USP9Y: variants seen among roughly 807,000 people sequenced by gnomAD.
The protein encoded by USP9Y is ubiquitin carboxyl-terminal hydrolase 9Y.
Under a neutral mutation model 53.1 loss-of-function variants are expected in USP9Y, and 41 were observed. That is an observed-to-expected ratio of 0.77 (90% CI 0.60 to 1.00). The LOEUF (loss-of-function observed/expected upper bound fraction) is 1.00. Among genes scored for constraint, USP9Y ranks in the 50% least tolerant of loss-of-function variants. The pLI is 0.00. For synonymous variants in USP9Y, 220 were observed against 173.7 expected (o/e 1.27, Z -2.09); for missense variants, 567 against 535.8 (o/e 1.06, Z -0.58).
chrY:12,722,213 A>T (rs753218919), intron 5 of USP9Y, 26 bp downstream of exon 5: 1 of 351,471 alleles, frequency 2.8e-6, no homozygotes, highest in Non-Finnish European at 4.2e-6. Flanking sequence ...CATTTTCTAT[A>T]ATACGTGCTC....
intron 15 of USP9Y, 79 bp from the exon 16 acceptor site, chrY:12,770,984 ATTAAC>A: frequency 4.8e-6 from 1 of 209,575 alleles, no homozygotes; most frequent in Non-Finnish European, 8.4e-6. Flanking sequence ...GAGAATGATT[ATTAAC>A]TTAATAATTT....
At chrY:12,854,278 T>C in intron 42 of USP9Y, among the ~76,000 whole-genome samples, 1 of 34,034 alleles carries the variant, frequency 2.9e-5, no homozygotes, top group Non-Finnish European at 7.3e-5. Context: ...GATCAAATAA[T>C]GTAAAAGTGG....
In USP9Y at chrY:12,859,994, G is replaced by A; in HGVS notation, c.*578G>A. ...TACTTTTCATTACCTTTTTATTCTGGTATATAGGCTAACCACTTTAAAGCT... is the reference window on the plus strand; with the variant it reads ...TACTTTTCATTACCTTTTTATTCTGATATATAGGCTAACCACTTTAAAGCT... On this transcript the variant is annotated 3_prime_UTR_variant, in exon 46 of 46. Transcript: ENST00000338981. 8.7e-5 allele frequency: 3 copies of A among 34,313 alleles called. No individual in the cohort carries two copies. The allele number at this position is 34,313 out of a possible 400,897, so 8.6% of individuals were successfully genotyped here. A position where few individuals can be genotyped will look rare whatever the true frequency, so the allele number is the denominator to read the frequency against.
intron 28 of USP9Y, 113 bp downstream of exon 28, chrY:12,810,400 G>T: frequency 4.8e-6 from 1 of 207,500 alleles, no homozygotes. Context: ...ATTAATAAAT[G>T]CAGTATTATA....
chrY:12,845,381 GC>G (rs2053565572), intron 39 of USP9Y, among the ~76,000 whole-genome samples: 1 of 33,018 alleles, frequency 3.0e-5, no homozygotes. Context: ...GAGATGTTAA[GC>G]CTACATCCAG....
intron 22 of USP9Y, among the ~76,000 whole-genome samples, chrY:12,783,381 A>T: frequency 3.0e-5 from 1 of 33,396 alleles, no homozygotes; most frequent in Non-Finnish European, 7.4e-5. Flanking sequence ...ATTATTGTAT[A>T]TCAGGGATAG....
chrY:12,732,599 C>T (rs1007310903), intron 7 of USP9Y, among the ~76,000 whole-genome samples: 8 of 33,092 alleles, frequency 2.4e-4, no homozygotes, highest in African/African-American at 4.7e-4. Flanking sequence ...GCCTCGACCT[C>T]CCAAAGTGCT....
Position 12,778,099 on chromosome Y carries a change from C to T in USP9Y, c.2720C>T (p.Ser907Phe). 2.5e-6 allele frequency: 1 copy of T among 396,759 alleles called. No individual in the cohort carries two copies. The highest frequency in any genetic ancestry group is 3.5e-6 in the Non-Finnish European group (1 of 282,264). ...CAGGTTGATGAGTTGGATATATGGT[C>T]TCATACGAATGACACAATTGGTTCA... ...GRQVDELDIWSHTNDTIGSVR... is the reference protein window; with the variant it reads ...GRQVDELDIWFHTNDTIGSVR... The change falls in exon 20 of 46, where the codon TCT (serine) becomes TTT (phenylalanine). Residue 907 changes from serine (S) to phenylalanine (F), a missense_variant. Ser to Phe is a radical substitution (Grantham distance 155). Coordinates refer to ENST00000338981, the MANE Select transcript of USP9Y (RefSeq NM_004654.4).
chrY:12,808,176 T>A, intron 27 of USP9Y, among the ~76,000 whole-genome samples: 1 of 34,408 alleles, frequency 2.9e-5, no homozygotes. Flanking sequence ...GCCCTCTTTT[T>A]CAGGTTGTCT....
intron 12 of USP9Y, 93 bp from the exon 13 acceptor site, chrY:12,757,099 G>T: frequency 7.1e-6 from 2 of 282,028 alleles, no homozygotes; most frequent in South Asian, 6.8e-5. Context: ...TGTATGTGAT[G>T]AATGTAGTTT....
chrY:12,736,542 G>A lies in USP9Y; in HGVS notation c.1157G>A (p.Arg386Gln). ...PEEEEWLTAE[R>Q]MAEWIQQNNI... ...GAGGAAGAATGGCTGACAGCTGAGCGAATGGCAGTAAGCCTCTTAAATCTT... is the reference window on the plus strand; with the variant it reads ...GAGGAAGAATGGCTGACAGCTGAGCAAATGGCAGTAAGCCTCTTAAATCTT... Residue 386 changes from arginine to glutamine, a missense_variant, in exon 10 of 46, where the codon CGA becomes CAA. Transcript: ENST00000338981. 7 of 395,078 alleles carry A rather than the reference G, an allele frequency of 1.8e-5. No homozygotes were observed. The highest frequency in any genetic ancestry group is 6.4e-5 in the African/African-American group (1 of 15,624).
chrY:12,747,964 CCAATATAGTGAA>C (rs2053461645), intron 12 of USP9Y, among the ~76,000 whole-genome samples: 3 of 32,629 alleles, frequency 9.2e-5, no homozygotes, highest in African/African-American at 2.4e-4. Flanking sequence ...ACCAGCGTGG[CCAATATAGTGAA>C]ACCTCATTTC....
intron 15 of USP9Y, among the ~76,000 whole-genome samples, chrY:12,769,252 T>G: frequency 8.8e-5 from 3 of 33,947 alleles, no homozygotes; most frequent in Non-Finnish European, 1.5e-4. Flanking sequence ...CTCATGGAAG[T>G]AAGCTGTACG....
intron 27 of USP9Y, chrY:12,803,831 G>T: frequency 2.8e-5 from 1 of 35,133 alleles, no homozygotes; most frequent in Admixed American, 2.6e-4. Context: ...GGGAAACCAT[G>T]GATGGGTGGA....
intron 42 of USP9Y, among the ~76,000 whole-genome samples, chrY:12,848,188 T>C (rs1045307474): frequency 2.9e-4 from 10 of 34,046 alleles, no homozygotes; most frequent in African/African-American, 6.8e-4. Flanking sequence ...TGAGATGGTA[T>C]CTCATTGTGG....
At chrY:12,738,471 A>G (rs2053454001) in intron 11 of USP9Y, among the ~76,000 whole-genome samples, 162 bp downstream of exon 11, 1 of 33,626 alleles carries the variant, frequency 3.0e-5, no homozygotes, top group Non-Finnish European at 7.4e-5. Flanking sequence ...TAAACAAAAA[A>G]TAACATTTTT....
At chrY:12,764,279 T>C (rs946062809) in intron 15 of USP9Y, among the ~76,000 whole-genome samples, 19 of 33,439 alleles carry the variant, frequency 5.7e-4, no homozygotes, top group Non-Finnish European at 1.2e-3. Flanking sequence ...CTTTACAATA[T>C]GAGTCCTTTA....
rs369774788 is a variant in USP9Y at position 12,757,250 on chromosome Y, G to A, written c.1481G>A (p.Arg494His). Residue 494 changes from arginine (R) to histidine (H), a missense_variant, in exon 13 of 46, where the codon CGT becomes CAT. By Grantham distance (29) the Arg-to-His change is conservative (BLOSUM62 0). Transcript: ENST00000338981. Reference protein sequence around the residue: ...QREKLLELIRRLAEDDKDGVM... With the variant: ...QREKLLELIRHLAEDDKDGVM... ...GAAAAGCTCCTTGAGTTGATACGCC[G>A]TCTTGCAGAAGATGATAAAGATGGT... 13 of 396,878 alleles carry A rather than the reference G, an allele frequency of 3.3e-5. No homozygotes were observed. Among genetic ancestry groups the A allele is most frequent in the Admixed American group, 3.0e-4 (4 of 13,215 alleles).
At chrY:12,836,918 C>G in intron 34 of USP9Y, among the ~76,000 whole-genome samples, 5 of 32,369 alleles carry the variant, frequency 1.5e-4, no homozygotes, top group Non-Finnish European at 3.8e-4. Context: ...GATGGGCAAG[C>G]TGGTCATGAA....
Sources: gnomAD v4.1 joint callset for allele counts (sites outside exome capture counted in the v4.1 genomes callset) on GRCh38, gnomAD v4.1.1 for gene constraint, MANE v1.5 for transcripts, NCBI Gene and HGNC (gene_info 2026-07-23, HGNC 2026-07-21) for gene names.